RYR2: variants seen among roughly 807,000 people sequenced by gnomAD.
The protein encoded by RYR2 is cardiac muscle ryanodine receptor-calcium release channel.
Under a neutral mutation model 601.1 loss-of-function variants are expected in RYR2, and 227 were observed. The observed-to-expected ratio is 0.38, with a 90% confidence interval of 0.34 to 0.42. RYR2 has a LOEUF of 0.42. RYR2 is among the 10% of genes least tolerant of loss of function. The pLI, the probability that RYR2 is intolerant of heterozygous loss-of-function variation, is 1.00. For synonymous variants in RYR2, 2,223 were observed against 2,175.1 expected, an observed-to-expected ratio of 1.02 and a Z score of -0.61; for missense variants, 4,646 against 6,156.5, an observed-to-expected ratio of 0.75 and a Z score of 8.21.
At position 237,565,192 on chromosome 1, in the gene RYR2, T is replaced by TC. The variant is rs1491433775; in HGVS notation, c.3215-1375_3215-1374insC. On this transcript the variant is annotated intron_variant, in intron 27 of 104. Coordinates refer to ENST00000366574, the MANE Select transcript of RYR2 (RefSeq NM_001035.3). ...CTTTCTTTCTTTCTTTCTTTCTTTC[T>TC]TTCTTTCTTTCTTTCTTTCTTTCTT... is the stretch of plus-strand genomic sequence containing the variant. Among the ~76,000 whole-genome samples the TC allele has an allele frequency of 9.2e-4, 86 of 93,556 alleles. 1 individual carries two copies. Among genetic ancestry groups the TC allele is most frequent in the Admixed American group, 1.5e-3 (15 of 9,764 alleles). The allele number at this position is 93,556 out of a possible 152,430, so 61.4% of individuals were successfully genotyped here. A position where few individuals can be genotyped will look rare whatever the true frequency, so the allele number is the denominator to read the frequency against.
chr1:237,347,421 T>C (rs1698400861), intron 3 of RYR2, among the ~76,000 whole-genome samples: 1 of 152,244 alleles, frequency 6.6e-6, no homozygotes, highest in Admixed American at 6.5e-5. Flanking sequence ...ACTTTCGGGA[T>C]GAATTCACTG....
At chr1:237,120,681 G>A (rs966474675) in intron 1 of RYR2, 1 of 152,274 alleles carries the variant, frequency 6.6e-6, no homozygotes, top group African/African-American at 2.4e-5. Context: ...TGGTGAGGCT[G>A]AAATGTGCTT....
intron 63 of RYR2, among the ~76,000 whole-genome samples, chr1:237,690,009 T>C (rs918613081): frequency 6.6e-6 from 1 of 152,060 alleles, no homozygotes; most frequent in Non-Finnish European, 1.5e-5. Flanking sequence ...CACACACGGC[T>C]AATTTTTAGT....
intron 2 of RYR2, among the ~76,000 whole-genome samples, chr1:237,283,768 T>C (rs1298849814): frequency 6.6e-6 from 1 of 152,250 alleles, no homozygotes; most frequent in East Asian, 1.9e-4. Flanking sequence ...CTTGGTATAG[T>C]ACATTTGTAG....
At chr1:237,090,427 G>A (rs1186727407) in intron 1 of RYR2, among the ~76,000 whole-genome samples, 2 of 152,162 alleles carry the variant, frequency 1.3e-5, no homozygotes, top group Admixed American at 6.5e-5. Context: ...CAGAGGAGAT[G>A]TGATGATGGA....
chr1:237,241,566 A>G (rs911197762), intron 1 of RYR2, among the ~76,000 whole-genome samples: 13 of 152,226 alleles, frequency 8.5e-5, no homozygotes, highest in African/African-American at 2.9e-4. Context: ...AGAGGATAAC[A>G]GAGTAAAGAG....
At chr1:237,779,875 G>A (rs1199955018) in intron 88 of RYR2, among the ~76,000 whole-genome samples, 1 of 152,238 alleles carries the variant, frequency 6.6e-6, no homozygotes, top group African/African-American at 2.4e-5. Flanking sequence ...GAAGGGGCGA[G>A]CAGGAGCTCA....
rs1161701358 is a variant in RYR2, at chr1:237,115,212, A to G, written c.48+72643A>G. ...CCTCCAAGAGGCCACACCCTTCTAG[A>G]GGCCACGCCTTCGTGGAAACCACAC... On this transcript the variant is annotated intron_variant, in intron 1 of 104. Transcript: ENST00000366574. 2.0e-5 allele frequency among the ~76,000 whole-genome samples: 3 copies of G among 148,322 alleles called. No individual in the cohort carries two copies. In the Admixed American group the frequency reaches 2.1e-4, roughly 10 times the overall value.
chr1:237,427,137 C>T (rs545496258), intron 12 of RYR2, among the ~76,000 whole-genome samples: 8 of 152,118 alleles, frequency 5.3e-5, no homozygotes, highest in African/African-American at 9.7e-5. Context: ...AAGAGGAACA[C>T]GCTACCTTCT....
At position 237,454,374 on chromosome 1, in the gene RYR2, T is replaced by C; in HGVS notation, c.1293-17T>C. 6.3e-7 allele frequency: 1 copy of C among 1,577,816 alleles called. No homozygotes were observed. On this transcript the variant is annotated splice_polypyrimidine_tract_variant and intron_variant, in intron 14 of 104. Coordinates refer to ENST00000366574, the MANE Select transcript of RYR2 (RefSeq NM_001035.3). ...GTGAATCACTGACAATAGAGAAATG[T>C]TTATGGTTTATTTTAGGGGCCTTGA...
chr1:237,598,920 A>G (rs1676190497), intron 34 of RYR2, among the ~76,000 whole-genome samples: 1 of 152,166 alleles, frequency 6.6e-6, no homozygotes. Flanking sequence ...AGATGACTCA[A>G]ATAAATAAAA....
At chr1:237,087,817 A>G (rs1666520600) in intron 1 of RYR2, among the ~76,000 whole-genome samples, 3 of 152,166 alleles carry the variant, frequency 2.0e-5, no homozygotes, top group African/African-American at 4.8e-5. Flanking sequence ...AAAATGTGAG[A>G]AAGTCTCCAT....
At chr1:237,455,106 G>GT (rs1658651164) in intron 15 of RYR2, among the ~76,000 whole-genome samples, 1 of 152,110 alleles carries the variant, frequency 6.6e-6, no homozygotes, top group Non-Finnish European at 1.5e-5. Flanking sequence ...ACATTTCCAT[G>GT]TATGATTGTA....
chr1:237,318,454 A>C (rs2149516807), intron 2 of RYR2, among the ~76,000 whole-genome samples: 1 of 152,074 alleles, frequency 6.6e-6, no homozygotes, highest in East Asian at 1.9e-4. Context: ...TTTTTTATTT[A>C]TTTCTTTGGA....
At chr1:237,424,123 G>A (rs1277354617) in intron 12 of RYR2, among the ~76,000 whole-genome samples, 2 of 152,146 alleles carry the variant, frequency 1.3e-5, no homozygotes, top group South Asian at 2.1e-4. Context: ...CCCTCGAGAC[G>A]TGGAGATTAC....
rs572033547 is a variant in RYR2 at position 237,535,506 on chromosome 1, C to T, written c.2906+4996C>T. Among the ~76,000 whole-genome samples, 1,417 of 151,762 alleles carry T rather than the reference C, an allele frequency of 9.3e-3. 25 individuals carry two copies. The highest frequency in any genetic ancestry group is 0.032 in the African/African-American group (1,337 of 41,426). On this transcript the variant is annotated intron_variant, in intron 25 of 104. Coordinates refer to ENST00000366574, the MANE Select transcript of RYR2 (RefSeq NM_001035.3). ...ACATACACACACACACACACACACA[C>T]ACACACACACACGTCCCAAACAACT...
chr1:237,670,254 G>A (rs556786962), intron 58 of RYR2, among the ~76,000 whole-genome samples: 6 of 150,458 alleles, frequency 4.0e-5, no homozygotes, highest in African/African-American at 1.5e-4. Context: ...GTCCAGCTTC[G>A]GCTCGGCATC....
intron 3 of RYR2, among the ~76,000 whole-genome samples, chr1:237,331,534 G>A (rs943012121): frequency 6.8e-6 from 1 of 147,882 alleles, no homozygotes; most frequent in Admixed American, 6.6e-5. Flanking sequence ...ATGGAGTCTG[G>A]CTCTGTCACC....
intron 1 of RYR2, among the ~76,000 whole-genome samples, chr1:237,251,188 T>C (rs1572362345): frequency 6.6e-6 from 1 of 152,144 alleles, no homozygotes. Flanking sequence ...GCCCCAGATA[T>C]TTACTTTTTT....
Sources: allele counts gnomAD v4.1 joint callset (sites outside exome capture counted in the v4.1 genomes callset), GRCh38; gene constraint gnomAD v4.1.1; transcripts MANE v1.5; gene names NCBI Gene and HGNC (gene_info 2026-07-23, HGNC 2026-07-21).